The following BAG6 variants were observed in gnomAD, a reference collection of about 807,000 sequenced individuals.
The protein encoded by BAG6 is large proline-rich protein BAG6.
Under a neutral mutation model 121.0 loss-of-function variants are expected in BAG6, and 22 were observed. The ratio of observed to expected loss-of-function variants is 0.18; its 90% confidence interval spans 0.13 to 0.26. The LOEUF is 0.26. Ranked by LOEUF, BAG6 falls within the 10% of genes least tolerant of loss-of-function variation. The pLI is 1.00. For synonymous variants in BAG6, 583 were observed against 584.6 expected, an observed-to-expected ratio of 1.00 and a Z score of 0.04; for missense variants, 1,233 against 1,537.7, an observed-to-expected ratio of 0.80 and a Z score of 3.31.
At position 31,641,956 on chromosome 6, in the gene BAG6, A is replaced by G; in HGVS notation, c.2336-11T>C. On this transcript the variant is annotated splice_polypyrimidine_tract_variant and intron_variant, in intron 16 of 25. Transcript: ENST00000676615. This position sits in a 1 kb window ranked among gnomAD's most constrained non-coding sequence, Gnocchi z 5.7. Reference sequence around the variant, plus strand: ...AGGCCCCAAAGAATCCTGGGGGACAAGGGCAGATGTTAGCAATGGCCTTTA... The same window carrying G: ...AGGCCCCAAAGAATCCTGGGGGACAGGGGCAGATGTTAGCAATGGCCTTTA... 6.2e-7 allele frequency: 1 copy of G among 1,612,414 alleles called. No individual in the cohort carries two copies. The highest frequency in any genetic ancestry group is 8.5e-7 in the Non-Finnish European group (1 of 1,179,592).
chr6:31,641,386 G>A lies in BAG6; in HGVS notation c.2596C>T (p.Arg866Trp). The part of the protein sequence containing the change: ...VQVQPGVDII[R>W]TNLEFLQEQF... ...TCTTGGAGAAATTCCAGGTTTGTCC[G>A]GATGATGTCCACACCTGGCTGAACC... Residue 866 changes from arginine to tryptophan, a missense_variant, in exon 19 of 26, where the codon CGG becomes TGG. Around this residue, in one of 7 missense-constraint regions of BAG6, gnomAD observed 288 missense variants for 483.1 expected, o/e 0.60. Coordinates refer to ENST00000676615, the MANE Select transcript of BAG6 (RefSeq NM_001387994.1). This position sits in a 1 kb window ranked among gnomAD's most constrained non-coding sequence, Gnocchi z 5.7. 1.9e-6 allele frequency: 3 copies of A among 1,614,218 alleles called. No homozygotes were observed. Among genetic ancestry groups the A allele is most frequent in the Non-Finnish European group, 2.5e-6 (3 of 1,180,044 alleles).
At position 31,647,756 on chromosome 6, in the gene BAG6, A is replaced by C; in HGVS notation, c.623T>G (p.Val208Gly). Residue 208 changes from valine (V) to glycine (G), a missense_variant, in exon 7 of 26, where the codon GTA (valine) becomes GGA (glycine). By Grantham distance (109) the Val-to-Gly change is moderately radical. Coordinates refer to ENST00000676615, the MANE Select transcript of BAG6 (RefSeq NM_001387994.1). ...PQPPAVTPEP[V>G]ALSSQTSEPV... ...TTCTGATGTTTGAGAGCTCAAGGCT[A>C]CTGGCTCCGGGGTCACAGCCGGTGG... 6.2e-7 allele frequency: 1 copy of C among 1,603,544 alleles called. No individual in the cohort carries two copies. Among genetic ancestry groups the C allele is most frequent in the Non-Finnish European group, 8.5e-7 (1 of 1,176,266 alleles).
Position 31,650,154 on chromosome 6 carries a change from T to C in BAG6, c.109-527A>G, listed in dbSNP as rs78259546. Among the ~76,000 whole-genome samples the C allele has an allele frequency of 9.2e-3, 1,392 of 151,136 alleles. 18 individuals are homozygous for C. The highest frequency in any genetic ancestry group is 0.028 in the African/African-American group (1,132 of 41,140). On this transcript the variant is annotated intron_variant, in intron 2 of 25. Transcript: ENST00000676615. ...GCTCAGGTTATAGATCCAGGAAAAATAACACGGATGAAAAACAAAAAAAAA... is the reference window on the plus strand; with the variant it reads ...GCTCAGGTTATAGATCCAGGAAAAACAACACGGATGAAAAACAAAAAAAAA...
At chr6:31,646,079 G>A (rs2150884323) in intron 8 of BAG6, among the ~76,000 whole-genome samples, 1 of 152,258 alleles carries the variant, frequency 6.6e-6, no homozygotes, top group South Asian at 2.1e-4. Flanking sequence ...CCCTCCTCCC[G>A]AGTTCTAGCG....
At chr6:31,647,193 G>A (rs184692731) in intron 7 of BAG6, among the ~76,000 whole-genome samples, 8 of 152,240 alleles carry the variant, frequency 5.3e-5, no homozygotes, top group Non-Finnish European at 1.0e-4. Flanking sequence ...ATGAGCCACT[G>A]CACCCAGCCA....
intron 15 of BAG6, 42 bp from the exon 16 acceptor site, chr6:31,642,445 G>A (rs1783853528): frequency 6.7e-6 from 6 of 895,926 alleles, no homozygotes; most frequent in Non-Finnish European, 1.0e-5. Context: ...AGTGAGGTGA[G>A]AATGAAGACA....
chr6:31,641,699 C>T lies in BAG6; in HGVS notation c.2505+77G>A, dbSNP rs149468491. The T allele has an allele frequency of 1.1e-4, 176 of 1,611,452 alleles. No individual in the cohort carries two copies. The East Asian group carries it at 3.9e-3, about 36-fold the overall frequency. ...TGTGTGGGGGCAATTGGAGCTTTAC[C>T]TGGCAGAGAAGCAGTCAGAAATAAG... On this transcript the variant is annotated intron_variant, in intron 17 of 25. Transcript: ENST00000676615. This position sits in a 1 kb window ranked among gnomAD's most constrained non-coding sequence, Gnocchi z 5.7.
rs763842740 is a variant in BAG6, at chr6:31,641,430, A to G, written c.2560-8T>C. ...CTGAACCTGCACCAAGGACTGAGAG[A>G]CAAGATAACACAAAGATCCCAAAAT... On this transcript the variant is annotated splice_region_variant and splice_polypyrimidine_tract_variant and intron_variant, in intron 18 of 25. Transcript: ENST00000676615. This position sits in a 1 kb window ranked among gnomAD's most constrained non-coding sequence, Gnocchi z 5.7. The G allele has an allele frequency of 6.2e-7, 1 of 1,614,194 alleles. No individual in the cohort carries two copies. Among genetic ancestry groups the G allele is most frequent in the South Asian group, 1.1e-5 (1 of 91,090 alleles).
In BAG6 at chr6:31,644,895, A is replaced by G. The variant is rs1351974934; in HGVS notation, c.1369+51T>C. On this transcript the variant is annotated intron_variant, in intron 10 of 25. Coordinates refer to ENST00000676615, the MANE Select transcript of BAG6 (RefSeq NM_001387994.1). This position sits in a 1 kb window ranked among gnomAD's most constrained non-coding sequence, Gnocchi z 4.9. ...CCCTGTTCCCTCACACCTCAGCATG[A>G]ACCTCCCTCATCATGCTGATCCTGC... The G allele has an allele frequency of 5.2e-6, 8 of 1,540,646 alleles. No individual in the cohort carries two copies. Among genetic ancestry groups the G allele is most frequent in the Non-Finnish European group, 7.0e-6 (8 of 1,143,804 alleles).
rs756204588 is a variant in BAG6 at position 31,642,271 on chromosome 6, G to A, written c.2176C>T (p.Leu726=). Residue 726 remains leucine (L), a synonymous_variant, in exon 16 of 26, where the codon CTG becomes TTG. Transcript: ENST00000676615. The part of the protein sequence containing the change: ...GSPGGLGLES[L]SPEFFTSVVQ... ...ACTGAGGTAAAAAACTCCGGTGACA[G>A]GCTCTCAAGACCCAGGCCTCCAGGA... is the stretch of plus-strand genomic sequence containing the variant. 6.2e-7 allele frequency: 1 copy of A among 1,608,174 alleles called. No individual in the cohort carries two copies. The highest frequency in any genetic ancestry group is 8.5e-7 in the Non-Finnish European group (1 of 1,177,780).
chr6:31,643,987 G>C lies in BAG6; in HGVS notation c.1669-10C>G, dbSNP rs770884915. ...CCAGACCGGCGCCCTGCTGGATAGA[G>C]AGCAAGGGAGAATTTCAGACCTGCC... On this transcript the variant is annotated splice_polypyrimidine_tract_variant and intron_variant, in intron 13 of 25. Coordinates refer to ENST00000676615, the MANE Select transcript of BAG6 (RefSeq NM_001387994.1). 1 of 1,614,052 alleles carries C rather than the reference G, an allele frequency of 6.2e-7. No homozygotes were observed. Among genetic ancestry groups the C allele is most frequent in the Admixed American group, 1.7e-5 (1 of 60,014 alleles).
rs373354733 is a variant in BAG6, at chr6:31,645,533, G to C, written c.990C>G (p.Thr330=). ...VGESLRLLGN[T]FVALSDLRCN... ...AGCGCAGGTCAGACAGTGCAACAAA[G>C]GTGTTGCCCAGCAGTCGCAGGCTCT... The change falls in exon 9 of 26, where the codon ACC becomes ACG. Residue 330 remains threonine, a synonymous_variant. Transcript: ENST00000676615. 3.1e-6 allele frequency: 5 copies of C among 1,613,026 alleles called. No homozygotes were observed. In the African/African-American group the frequency reaches 6.7e-5, roughly 22 times the overall value.
In BAG6 at chr6:31,644,388, G is replaced by C; in HGVS notation, c.1474C>G (p.Leu492Val). Residue 492 changes from leucine to valine, a missense_variant, in exon 12 of 26, where the codon CTG becomes GTG. Leu to Val is a conservative substitution (Grantham distance 32). Around this residue, in one of 7 missense-constraint regions of BAG6, gnomAD observed 777 missense variants for 861.4 expected, o/e 0.90. Coordinates refer to ENST00000676615, the MANE Select transcript of BAG6 (RefSeq NM_001387994.1). This position sits in a 1 kb window ranked among gnomAD's most constrained non-coding sequence, Gnocchi z 4.9. ...ACGGCGTGCATGAACTCAGGGGGCA[G>C]GGAGGGCAGCTGGATGAGGGTGGAG... Reference protein sequence around the residue: ...LGSTLIQLPSLPPEFMHAVAH... With the variant: ...LGSTLIQLPSVPPEFMHAVAH... 2 of 1,552,002 alleles carry C rather than the reference G, an allele frequency of 1.3e-6. No homozygotes were observed. The highest frequency in any genetic ancestry group is 1.7e-6 in the Non-Finnish European group (2 of 1,147,610).
chr6:31,651,393 G>A (rs1796546683), intron 2 of BAG6, among the ~76,000 whole-genome samples: 1 of 152,116 alleles, frequency 6.6e-6, no homozygotes, highest in African/African-American at 2.4e-5. Flanking sequence ...ACAAAAATCA[G>A]CTGGGTATAG....
chr6:31,649,472 T>C (rs764067557), intron 3 of BAG6, 38 bp downstream of exon 3: 2 of 1,612,924 alleles, frequency 1.2e-6, no homozygotes, highest in East Asian at 2.2e-5. Flanking sequence ...CTCCAGACAG[T>C]AGCCCCAACC....
Position 31,648,737 on chromosome 6 carries a change from T to G in BAG6, c.492A>C (p.Val164=). ...EQAPIQSEPR[V]RLVMAQHMIR... ...TCATGTGCTGAGCCATCACCAGCCGTACCCGGGGCTCACTCTACAATGAGA... is the reference window on the plus strand; with the variant it reads ...TCATGTGCTGAGCCATCACCAGCCGGACCCGGGGCTCACTCTACAATGAGA... Residue 164 remains valine, a synonymous_variant, in exon 6 of 26, where the codon GTA becomes GTC. Coordinates refer to ENST00000676615, the MANE Select transcript of BAG6 (RefSeq NM_001387994.1). 1 of 1,614,094 alleles carries G rather than the reference T, an allele frequency of 6.2e-7. No individual in the cohort carries two copies. Among genetic ancestry groups the G allele is most frequent in the South Asian group, 1.1e-5 (1 of 91,070 alleles).
rs9501153 is a variant in BAG6 at position 31,643,842 on chromosome 6, G to A, written c.1756+48C>T. The A allele has an allele frequency of 9.2e-4, 1,456 of 1,586,674 alleles. 9 individuals carry two copies. In the African/African-American group the frequency reaches 0.014, roughly 15 times the overall value. On this transcript the variant is annotated intron_variant, in intron 14 of 25. Transcript: ENST00000676615. Reference sequence around the variant, plus strand: ...AAGAACTGGAAAGTGCCAGTGAGCAGACTAGGAAAGGAGTTTAAACTCTGA... The same window carrying A: ...AAGAACTGGAAAGTGCCAGTGAGCAAACTAGGAAAGGAGTTTAAACTCTGA...
Position 31,641,581 on chromosome 6 carries a change from G to A in BAG6, c.2517C>T (p.His839=). ...PTPSNIRMAT[H]TLITGLEEYV... ...ACTCTTCTAGCCCCGTGATCAATGT[G>A]TGGGTTGCCATCTGTGGAGGAAACA... Residue 839 remains histidine (H), a synonymous_variant, in exon 18 of 26, where the codon CAC becomes CAT. Transcript: ENST00000676615. This position sits in a 1 kb window ranked among gnomAD's most constrained non-coding sequence, Gnocchi z 5.7. The A allele has an allele frequency of 1.2e-6, 2 of 1,614,144 alleles. No homozygotes were observed. Among genetic ancestry groups the A allele is most frequent in the Non-Finnish European group, 1.7e-6 (2 of 1,179,970 alleles).
At position 31,639,656 on chromosome 6, in the gene BAG6, A is replaced by G. The variant is rs970248636; in HGVS notation, c.3247-10T>C. The G allele has an allele frequency of 3.1e-6, 5 of 1,599,298 alleles. No individual in the cohort carries two copies. Among genetic ancestry groups the G allele is most frequent in the Non-Finnish European group, 4.3e-6 (5 of 1,170,880 alleles). ...CCTCACCCTGCATCGTCTGGGGGACAGGGGGTTGGGAGGGAAAAGAGGATC... is the reference window on the plus strand; with the variant it reads ...CCTCACCCTGCATCGTCTGGGGGACGGGGGGTTGGGAGGGAAAAGAGGATC... On this transcript the variant is annotated splice_polypyrimidine_tract_variant and intron_variant, in intron 24 of 25. Transcript: ENST00000676615.
Sources: gnomAD v4.1 joint callset for allele counts (sites outside exome capture counted in the v4.1 genomes callset) on GRCh38, gnomAD v4.1.1 for gene constraint, gnomAD v4.1.1 regional missense constraint, Gnocchi (gnomAD v3.1) non-coding constraint, MANE v1.5 for transcripts, NCBI Gene and HGNC (gene_info 2026-07-23, HGNC 2026-07-21) for gene names.